Variants in MIPEP observed in about 807,000 individuals in gnomAD.
MIPEP encodes the protein mitochondrial intermediate peptidase.
In MIPEP, 79 loss-of-function variants were observed where a neutral mutation model predicts 90.3. The observed-to-expected ratio is 0.87, with a 90% confidence interval of 0.73 to 1.05. MIPEP has a LOEUF of 1.05. Among genes scored for constraint, MIPEP ranks in the 50% least tolerant of loss-of-function variants. The pLI, the probability that MIPEP is intolerant of heterozygous loss-of-function variation, is 0.00. For synonymous variants in MIPEP, 334 were observed against 315.8 expected, an observed-to-expected ratio of 1.06 and a Z score of -0.61; for missense variants, 940 against 905.6, an observed-to-expected ratio of 1.04 and a Z score of -0.49.
chr13:23,887,943 T>C (rs1403529960), intron 1 of MIPEP, among the ~76,000 whole-genome samples: 1 of 152,186 alleles, frequency 6.6e-6, no homozygotes. Flanking sequence ...CACAGACTAC[T>C]TCCACTTCCC....
At chr13:23,807,421 T>C (rs1200754042) in intron 15 of MIPEP, among the ~76,000 whole-genome samples, 1 of 152,224 alleles carries the variant, frequency 6.6e-6, no homozygotes, top group Non-Finnish European at 1.5e-5. Flanking sequence ...TGTGCAGCTG[T>C]TGACTTGAAA....
At chr13:23,847,075 T>C (rs1869579962) in intron 10 of MIPEP, among the ~76,000 whole-genome samples, 1 of 152,054 alleles carries the variant, frequency 6.6e-6, no homozygotes, top group Admixed American at 6.5e-5. Flanking sequence ...AGCATGGAAG[T>C]TGAAAAAAAA....
At position 23,872,036 on chromosome 13, in the gene MIPEP, T is replaced by C. The variant is rs111922083; in HGVS notation, c.604-1841A>G. Among the ~76,000 whole-genome samples, 1,462 of 152,366 alleles carry C rather than the reference T, an allele frequency of 9.6e-3. 30 individuals carry two copies. The highest frequency in any genetic ancestry group is 0.033 in the African/African-American group (1,388 of 41,594). ...ATCTGCCAGGCATATCACTTCATCATTCTGTGGTAACAATGAAATGTACAA... is the reference window on the plus strand; with the variant it reads ...ATCTGCCAGGCATATCACTTCATCACTCTGTGGTAACAATGAAATGTACAA... On this transcript the variant is annotated intron_variant, in intron 5 of 18. Coordinates refer to ENST00000382172, the MANE Select transcript of MIPEP (RefSeq NM_005932.4).
rs148276716 is a variant in MIPEP, at chr13:23,778,664, C to T, written c.1849-18447G>A. On this transcript the variant is annotated intron_variant, in intron 16 of 18. Transcript: ENST00000382172. ...TACCATTTTTATCATGTCAATTACC[C>T]GTTTTTTTCAATTCCCCTTTCAAGC... Among the ~76,000 whole-genome samples the T allele has an allele frequency of 4.0e-3, 614 of 151,928 alleles. 4 individuals carry two copies. Among genetic ancestry groups the T allele is most frequent in the African/African-American group, 0.014 (579 of 41,410 alleles).
At chr13:23,793,725 G>A (rs1395464371) in intron 16 of MIPEP, among the ~76,000 whole-genome samples, 1 of 151,828 alleles carries the variant, frequency 6.6e-6, no homozygotes, top group African/African-American at 2.4e-5. Flanking sequence ...CTTAAGGGAA[G>A]GACCCCAGCC....
chr13:23,783,296 C>T (rs1284917508), intron 16 of MIPEP, among the ~76,000 whole-genome samples: 5 of 152,210 alleles, frequency 3.3e-5, no homozygotes, highest in Admixed American at 6.5e-5. Context: ...GCTGGTTCAA[C>T]ATATGCAAAT....
intron 16 of MIPEP, among the ~76,000 whole-genome samples, chr13:23,796,904 C>A (rs953286610): frequency 6.6e-6 from 1 of 152,156 alleles, no homozygotes; most frequent in Admixed American, 6.5e-5. Context: ...AAGTTATATG[C>A]TAAAAGTTCA....
At chr13:23,797,434 C>T (rs1952975155) in intron 16 of MIPEP, among the ~76,000 whole-genome samples, 1 of 152,162 alleles carries the variant, frequency 6.6e-6, no homozygotes, top group Non-Finnish European at 1.5e-5. Context: ...ACCACCCCTC[C>T]TGTACTCTGT....
chr13:23,741,251 A>G (rs1952325474), intron 18 of MIPEP, among the ~76,000 whole-genome samples: 1 of 152,210 alleles, frequency 6.6e-6, no homozygotes, highest in African/African-American at 2.4e-5. Flanking sequence ...CATTGTGGAA[A>G]GCAGTGTGGC....
In MIPEP at chr13:23,779,468, TG is replaced by T. The variant is rs71070619; in HGVS notation, c.1849-19252del. On this transcript the variant is annotated intron_variant, in intron 16 of 18. Coordinates refer to ENST00000382172, the MANE Select transcript of MIPEP (RefSeq NM_005932.4). ...AAACAAATACATTTAAAAAGGTGTA[TG>T]GGGGGGGCAGTTCCAAGATGGACGA... is the stretch of plus-strand genomic sequence containing the variant. 2.4e-3 allele frequency among the ~76,000 whole-genome samples: 367 copies of T among 151,398 alleles called. 1 individual carries two copies. Among genetic ancestry groups the T allele is most frequent in the Non-Finnish European group, 4.1e-3 (281 of 67,750 alleles).
At chr13:23,830,331 TACC>T (rs1295352770) in intron 14 of MIPEP, among the ~76,000 whole-genome samples, 1 of 152,160 alleles carries the variant, frequency 6.6e-6, no homozygotes, top group Admixed American at 6.5e-5. Flanking sequence ...AGCAGTAAAA[TACC>T]ATTTTTGTAA....
At chr13:23,744,168 T>C (rs1427337630) in intron 18 of MIPEP, among the ~76,000 whole-genome samples, 1 of 152,236 alleles carries the variant, frequency 6.6e-6, no homozygotes, top group East Asian at 1.9e-4. Flanking sequence ...TCAACAAATC[T>C]TATTTTCCTA....
intron 18 of MIPEP, among the ~76,000 whole-genome samples, chr13:23,740,739 G>A (rs970158429): frequency 1.3e-5 from 2 of 152,174 alleles, no homozygotes; most frequent in African/African-American, 2.4e-5. Context: ...GAAAAGCAGG[G>A]GTTGTTCCTG....
At chr13:23,751,059 TA>T (rs34114610) in intron 18 of MIPEP, among the ~76,000 whole-genome samples, 21,091 of 152,222 alleles carry the variant, frequency 0.14, 1,803 homozygotes, top group South Asian at 0.23. Context: ...GAGAATGGTG[TA>T]AACCCAATTT....
intron 14 of MIPEP, among the ~76,000 whole-genome samples, chr13:23,832,620 A>C (rs1868823320): frequency 6.6e-6 from 1 of 152,168 alleles, no homozygotes; most frequent in Admixed American, 6.5e-5. Flanking sequence ...GCGGAAGGTA[A>C]AAATCTACAA....
At chr13:23,843,776 T>G (rs1566014725) in intron 10 of MIPEP, among the ~76,000 whole-genome samples, 1 of 152,254 alleles carries the variant, frequency 6.6e-6, no homozygotes, top group East Asian at 1.9e-4. Context: ...GGGTCAGGGA[T>G]GAATGTGTTT....
At position 23,808,388 on chromosome 13, in the gene MIPEP, C is replaced by T. The variant is rs577553944; in HGVS notation, c.1728+1462G>A. 7.7e-4 allele frequency among the ~76,000 whole-genome samples: 117 copies of T among 152,200 alleles called. 1 individual carries two copies. The South Asian group carries it at 0.023, about 30-fold the overall frequency. ...TGCTGGGATTATAAGTGTGAGCCAC[C>T]GCATCTGGCCTTAAAAACACTGTTT... On this transcript the variant is annotated intron_variant, in intron 15 of 18. Transcript: ENST00000382172.
intron 18 of MIPEP, among the ~76,000 whole-genome samples, chr13:23,744,607 T>C (rs1409226997): frequency 2.6e-5 from 4 of 152,204 alleles, no homozygotes; most frequent in East Asian, 3.9e-4. Flanking sequence ...TGCATAGTAC[T>C]TGGCACATCA....
intron 17 of MIPEP, among the ~76,000 whole-genome samples, chr13:23,758,891 G>A (rs1309406739): frequency 6.6e-6 from 1 of 152,180 alleles, no homozygotes; most frequent in East Asian, 1.9e-4. Context: ...TTTTAATGGT[G>A]AAGTCTGAAC....
Sources: allele counts gnomAD v4.1 joint callset (sites outside exome capture counted in the v4.1 genomes callset), GRCh38; gene constraint gnomAD v4.1.1; transcripts MANE v1.5; gene names NCBI Gene and HGNC (gene_info 2026-07-23, HGNC 2026-07-21).